VWA5B2: variants seen among roughly 807,000 people sequenced by gnomAD.
VWA5B2 encodes von Willebrand factor A domain-containing protein 5B2.
A neutral mutation model predicts 118.5 loss-of-function variants in VWA5B2; 93 were observed. The observed-to-expected ratio is 0.79, with a 90% CI of 0.66 to 0.93. The LOEUF (loss-of-function observed/expected upper bound fraction) is 0.93, where lower values mean the gene tolerates loss of function less well. Among genes scored for constraint, VWA5B2 ranks in the 40% least tolerant of loss-of-function variants. The pLI is 0.00. For missense variants in VWA5B2, 1,546 were observed against 1,672.8 expected (o/e 0.92, Z 1.32); for synonymous variants, 708 against 716.3 (o/e 0.99, Z 0.19).
At chr3:184,235,757 G>A (rs367634498) in intron 8 of VWA5B2, among the ~76,000 whole-genome samples, 6 of 151,414 alleles carry the variant, frequency 4.0e-5, no homozygotes, top group Admixed American at 2.6e-4. Flanking sequence ...TACCTCCAGA[G>A]TCCCACACAC....
In VWA5B2 at chr3:184,237,238, C is replaced by T; in HGVS notation, c.1546C>T (p.Leu516=). The T allele has an allele frequency of 6.4e-7, 1 of 1,551,434 alleles. No individual in the cohort carries two copies. The highest frequency in any genetic ancestry group is 8.7e-7 in the Non-Finnish European group (1 of 1,146,950). The part of the protein sequence containing the change: ...QRLQPMLVQA[L]RKALEPALSD... ...CCACTCCCCACAGCTGGTACAGGCT[C>T]TGCGGAAGGCACTGGAGCCTGCTTT... The change falls in exon 12 of 20, where the codon CTG becomes TTG. Residue 516 remains leucine, a synonymous_variant. Coordinates refer to ENST00000691901, the MANE Select transcript of VWA5B2 (RefSeq NM_001390846.1). This position sits in a 1 kb window ranked among gnomAD's most constrained non-coding sequence, Gnocchi z 5.6.
At position 184,236,421 on chromosome 3, in the gene VWA5B2, G is replaced by A. The variant is rs1718002813; in HGVS notation, c.1291G>A (p.Asp431Asn). 1.3e-6 allele frequency: 2 copies of A among 1,547,334 alleles called. No homozygotes were observed. ...GCCCCCAGACGTGCTGGCTGCTCTG[G>A]ACTGGGCCGTGGGGCAGCCCCAGCA... Reference protein sequence around the residue: ...SGPPDVLAALDWAVGQPQHRA... With the variant: ...SGPPDVLAALNWAVGQPQHRA... Residue 431 changes from aspartate to asparagine, a missense_variant, in exon 10 of 20, where the codon GAC (aspartate) becomes AAC (asparagine). By Grantham distance (23) the Asp-to-Asn change is conservative (BLOSUM62 1). Around this residue, in one of 3 missense-constraint regions of VWA5B2, gnomAD observed 775 missense variants for 882.3 expected, o/e 0.88. Coordinates refer to ENST00000691901, the MANE Select transcript of VWA5B2 (RefSeq NM_001390846.1).
At chr3:184,234,570 C>G in intron 6 of VWA5B2, 61 bp from the exon 7 acceptor site, 1 of 1,537,250 alleles carries the variant, frequency 6.5e-7, no homozygotes, top group Non-Finnish European at 8.8e-7. Flanking sequence ...GACAGTGAAA[C>G]TGGGCACTTG....
chr3:184,230,424 C>T lies in VWA5B2; in HGVS notation c.-105C>T. 2.3e-6 allele frequency: 3 copies of T among 1,277,094 alleles called. No individual in the cohort carries two copies. Among genetic ancestry groups the T allele is most frequent in the Non-Finnish European group, 3.0e-6 (3 of 1,000,276 alleles). The allele number at this position is 1,277,094 out of a possible 1,614,324, so 79.1% of individuals were successfully genotyped here. On this transcript the variant is annotated 5_prime_UTR_variant, in exon 2 of 20. Transcript: ENST00000691901. ...CGCCCCGGCAGGCCCCGTCCGGGTGCTGGAGTGAGACTCTCGCGCTGGCCT... is the reference window on the plus strand; with the variant it reads ...CGCCCCGGCAGGCCCCGTCCGGGTGTTGGAGTGAGACTCTCGCGCTGGCCT...
In VWA5B2 at chr3:184,241,198, G is replaced by A. The variant is rs1300059606; in HGVS notation, c.2974G>A (p.Gly992Ser). ...TVVYSKGLQR[G>S]SPAGAWDSDQ... ...GATCCCCACTGCAGGACTTCAGAGA[G>A]GCTCTCCAGCAGGCGCCTGGGACTC... The change falls in exon 19 of 20, where the codon GGC becomes AGC. Residue 992 changes from glycine (G) to serine (S), a missense_variant. Gly to Ser is a moderately conservative substitution (Grantham distance 56, BLOSUM62 0). Transcript: ENST00000691901. The surrounding 1 kb of genome is among the most constrained non-coding windows in gnomAD (Gnocchi z 5.1). The A allele has an allele frequency of 6.4e-7, 1 of 1,550,638 alleles. No homozygotes were observed. Among genetic ancestry groups the A allele is most frequent in the Non-Finnish European group, 8.7e-7 (1 of 1,146,364 alleles).
Position 184,241,868 on chromosome 3 carries a change from TGGG to T in VWA5B2, c.3560_3562del (p.Trp1187_Glu1188delinsTer). 1 of 1,545,670 alleles carries T rather than the reference TGGG, an allele frequency of 6.5e-7. No homozygotes were observed. The highest frequency in any genetic ancestry group is 8.7e-7 in the Non-Finnish European group (1 of 1,146,238). On this transcript the variant is annotated stop_gained and inframe_deletion, in exon 20 of 20. Coordinates refer to ENST00000691901, the MANE Select transcript of VWA5B2 (RefSeq NM_001390846.1). LOFTEE classifies it high-confidence loss of function. This position sits in a 1 kb window ranked among gnomAD's most constrained non-coding sequence, Gnocchi z 5.1. Reference sequence around the variant, plus strand: ...CCGATGCGCCGCTGCCTTCGACGAGTGGGAACTGACAGCGGCCAAGGCTGATTG... The same window carrying T: ...CCGATGCGCCGCTGCCTTCGACGAGTAACTGACAGCGGCCAAGGCTGATTG...
chr3:184,238,467 G>A lies in VWA5B2; in HGVS notation c.1884G>A (p.Ser628=), dbSNP rs886104174. The change falls in exon 13 of 20, where the codon TCG becomes TCA. Residue 628 remains serine, a synonymous_variant. Transcript: ENST00000691901. The surrounding 1 kb of genome is among the most constrained non-coding windows in gnomAD (Gnocchi z 5.0). ...ELSSPWAARD[S]EQSTDALTDP... ...CCAGCCCATGGGCTGCCAGGGACTCGGAGCAGAGTGAGTGCCCAGGTGTAT... is the reference window on the plus strand; with the variant it reads ...CCAGCCCATGGGCTGCCAGGGACTCAGAGCAGAGTGAGTGCCCAGGTGTAT... The A allele has an allele frequency of 6.5e-6, 10 of 1,543,926 alleles. No homozygotes were observed. Among genetic ancestry groups the A allele is most frequent in the Middle Eastern group, 1.7e-4 (1 of 5,990 alleles).
chr3:184,231,126 G>A (rs557186580), intron 3 of VWA5B2, among the ~76,000 whole-genome samples: 1 of 152,246 alleles, frequency 6.6e-6, no homozygotes, highest in African/African-American at 2.4e-5. Context: ...CAGCCTGGGA[G>A]ACAGACACAG....
rs1377044860 is a variant in VWA5B2, at chr3:184,238,495, G to A, written c.1891+21G>A. ...GCAGAGTGAGTGCCCAGGTGTATGT[G>A]TGTGGCTGTATTGGAGTGGGCGCTG... On this transcript the variant is annotated intron_variant, in intron 13 of 19. Transcript: ENST00000691901. The surrounding 1 kb of genome is among the most constrained non-coding windows in gnomAD (Gnocchi z 5.0). 3.9e-6 allele frequency: 6 copies of A among 1,538,938 alleles called. No individual in the cohort carries two copies. Among genetic ancestry groups the A allele is most frequent in the Admixed American group, 2.0e-5 (1 of 50,652 alleles).
chr3:184,238,792 G>C lies in VWA5B2; in HGVS notation c.2121G>C (p.Gln707His). The stretch of plus-strand genomic sequence containing the variant: ...CTCCCTTGGAGCCCCCTTCTCAGCA[G>C]GGCTGCCGCAGTCTGGCCTGGGGAG... ...GSAPLEPPSQ[Q>H]GCRSLAWGEP... The change falls in exon 14 of 20, where the codon CAG becomes CAC. Residue 707 changes from glutamine to histidine, a missense_variant. Transcript: ENST00000691901. This position sits in a 1 kb window ranked among gnomAD's most constrained non-coding sequence, Gnocchi z 5.0. The C allele has an allele frequency of 6.5e-7, 1 of 1,547,400 alleles. No homozygotes were observed. The highest frequency in any genetic ancestry group is 8.7e-7 in the Non-Finnish European group (1 of 1,144,226).
chr3:184,235,574 G>A (rs997549022), intron 8 of VWA5B2, among the ~76,000 whole-genome samples: 48 of 152,078 alleles, frequency 3.2e-4, no homozygotes, highest in African/African-American at 1.1e-3. Flanking sequence ...ACATAGACTC[G>A]CACTCAGTCA....
intron 11 of VWA5B2, 72 bp downstream of exon 11, chr3:184,236,821 CAG>C (rs922102416): frequency 3.8e-6 from 5 of 1,320,632 alleles, no homozygotes; most frequent in Non-Finnish European, 4.1e-6. Flanking sequence ...AAGTCTGAAA[CAG>C]AACTCAGGCA....
At position 184,233,699 on chromosome 3, in the gene VWA5B2, C is replaced by A; in HGVS notation, c.654C>A (p.Phe218Leu). Residue 218 changes from phenylalanine to leucine, a missense_variant, in exon 5 of 20, where the codon TTC (phenylalanine) becomes TTA (leucine). This residue lies in a region of VWA5B2 where 775 missense variants were observed against 882.3 expected (regional missense o/e 0.88). Coordinates refer to ENST00000691901, the MANE Select transcript of VWA5B2 (RefSeq NM_001390846.1). The surrounding 1 kb of genome is among the most constrained non-coding windows in gnomAD (Gnocchi z 5.2). ...GCCCTGCCCCATATACCTTCTCCTT[C>A]GAGATGCTGGTGACTGGGCCATGCC... is the stretch of plus-strand genomic sequence containing the variant. Reference protein sequence around the residue: ...ARCPAPYTFSFEMLVTGPCLL... With the variant: ...ARCPAPYTFSLEMLVTGPCLL... 5 of 1,551,102 alleles carry A rather than the reference C, an allele frequency of 3.2e-6. No individual in the cohort carries two copies. Among genetic ancestry groups the A allele is most frequent in the African/African-American group, 1.4e-5 (1 of 73,164 alleles).
rs1560156447 is a variant in VWA5B2, at chr3:184,239,493, GGCC to G, written c.2304_2306del (p.Arg769del). On this transcript the variant is annotated inframe_deletion, in exon 15 of 20. Transcript: ENST00000691901. This position sits in a 1 kb window ranked among gnomAD's most constrained non-coding sequence, Gnocchi z 5.1. Reference sequence around the variant, plus strand: ...TCCAGGCCGGGCAAACCAAGTCCCCGGCCGACCCCGGAAACCCTCTTTGGGTGC... The same window carrying G: ...TCCAGGCCGGGCAAACCAAGTCCCCGGACCCCGGAAACCCTCTTTGGGTGC... 1.9e-6 allele frequency: 3 copies of G among 1,549,924 alleles called. No individual in the cohort carries two copies. The South Asian group carries it at 3.6e-5, about 18-fold the overall frequency.
chr3:184,236,669 C>G lies in VWA5B2; in HGVS notation c.1453C>G (p.His485Asp). Residue 485 changes from histidine to aspartate, a missense_variant, in exon 11 of 20, where the codon CAC becomes GAC. Around this residue, in one of 3 missense-constraint regions of VWA5B2, gnomAD observed 775 missense variants for 882.3 expected, o/e 0.88. Coordinates refer to ENST00000691901, the MANE Select transcript of VWA5B2 (RefSeq NM_001390846.1). ...CFSFGLGPTC[H>D]QLLQGLSALS... ...CTCCTTTGGGCTGGGGCCCACCTGC[C>G]ACCAGCTGCTCCAGGGTTTATCTGC... The G allele has an allele frequency of 6.4e-7, 1 of 1,551,402 alleles. No individual in the cohort carries two copies.
In VWA5B2 at chr3:184,238,506, T is replaced by C. The variant is rs759393756; in HGVS notation, c.1891+32T>C. 3.9e-6 allele frequency: 6 copies of C among 1,536,368 alleles called. No individual in the cohort carries two copies. Among genetic ancestry groups the C allele is most frequent in the Non-Finnish European group, 5.3e-6 (6 of 1,135,478 alleles). The stretch of plus-strand genomic sequence containing the variant: ...GCCCAGGTGTATGTGTGTGGCTGTA[T>C]TGGAGTGGGCGCTGGGAGGGGTCAG... On this transcript the variant is annotated intron_variant, in intron 13 of 19. Transcript: ENST00000691901. This position sits in a 1 kb window ranked among gnomAD's most constrained non-coding sequence, Gnocchi z 5.0.
At chr3:184,231,048 T>C (rs1687227) in intron 3 of VWA5B2, 131 bp downstream of exon 3, 1 of 1,185,662 alleles carries the variant, frequency 8.4e-7, no homozygotes, top group Non-Finnish European at 1.0e-6. Flanking sequence ...CTCATCCTGG[T>C]ATTTAGCAGT....
In VWA5B2 at chr3:184,238,850, G is replaced by T. The variant is rs1173251224; in HGVS notation, c.2179G>T (p.Ala727Ser). The change falls in exon 14 of 20, where the codon GCA (alanine) becomes TCA (serine). Residue 727 changes from alanine (A) to serine (S), a missense_variant. Physicochemically the swap from Ala to Ser is moderately conservative, Grantham distance 99 (BLOSUM62 1). Transcript: ENST00000691901. The surrounding 1 kb of genome is among the most constrained non-coding windows in gnomAD (Gnocchi z 5.0). ...PAGSRSCPLP[A>S]PTPAPFKVGA... ...AGGCTCCCGCTCCTGTCCCCTGCCTGCACCCACACCAGCTCCATTCAAGGT... is the reference window on the plus strand; with the variant it reads ...AGGCTCCCGCTCCTGTCCCCTGCCTTCACCCACACCAGCTCCATTCAAGGT... 6.6e-6 allele frequency: 10 copies of T among 1,518,438 alleles called. No homozygotes were observed. Among genetic ancestry groups the T allele is most frequent in the African/African-American group, 1.4e-5 (1 of 72,396 alleles). 94.1% of individuals were successfully genotyped at this position (1,518,438 alleles called of 1,614,324 possible). A position where few individuals can be genotyped will look rare whatever the true frequency, so the allele number is the denominator to read the frequency against.
At chr3:184,236,100 GTATC>G in intron 8 of VWA5B2, 48 bp from the exon 9 acceptor site, 1 of 1,478,882 alleles carries the variant, frequency 6.8e-7, no homozygotes, top group Non-Finnish European at 9.2e-7. Context: ...CCCTTGCTCT[GTATC>G]AGGGCCCATG....
Sources: allele counts gnomAD v4.1 joint callset (sites outside exome capture counted in the v4.1 genomes callset), GRCh38; gene constraint gnomAD v4.1.1; regional missense constraint gnomAD v4.1.1; non-coding constraint Gnocchi (gnomAD v3.1); transcripts MANE v1.5; gene names NCBI Gene and HGNC (gene_info 2026-07-23, HGNC 2026-07-21).